Variants in OR2L13 observed in about 807,000 individuals in gnomAD.
The protein encoded by OR2L13 is olfactory receptor 2L13.
OR2L13 carries 14 observed loss-of-function variants against 15.3 expected under a neutral mutation model. The ratio of observed to expected loss-of-function variants is 0.91; its 90% CI spans 0.60 to 1.43. The LOEUF (loss-of-function observed/expected upper bound fraction) is 1.43, where lower values mean the gene tolerates loss of function less well. Ranked by LOEUF, OR2L13 falls within the 40% of genes most tolerant of loss-of-function variation. OR2L13 has a pLI of 0.00. For synonymous variants in OR2L13, 152 were observed against 142.9 expected (o/e 1.06, Z -0.45); for missense variants, 367 against 387.9 (o/e 0.95, Z 0.45).
the OR2L13 span, among the ~76,000 whole-genome samples, chr1:248,016,654 C>T: frequency 1.3e-5 from 2 of 151,872 alleles, no homozygotes; most frequent in African/African-American, 2.4e-5. Context: ...TTCAGATGTA[C>T]TGCCTAAAAA....
At chr1:247,951,048 A>G in the OR2L13 span, among the ~76,000 whole-genome samples, 1 of 141,662 alleles carries the variant, frequency 7.1e-6, no homozygotes, top group Non-Finnish European at 1.5e-5. Flanking sequence ...ACATATTACT[A>G]TTATGTATCC....
the OR2L13 span, chr1:247,949,081 C>G: frequency 2.9e-5 from 47 of 1,613,824 alleles, no homozygotes; most frequent in African/African-American, 5.3e-5. Context: ...TACATCTCCA[C>G]CATTGTTCCT....
the OR2L13 span, among the ~76,000 whole-genome samples, chr1:248,000,639 G>C: frequency 6.6e-6 from 1 of 151,550 alleles, no homozygotes; most frequent in Non-Finnish European, 1.5e-5. Context: ...ATTTACACAG[G>C]AGATTATATG....
chr1:247,986,801 G>A, the OR2L13 span, among the ~76,000 whole-genome samples: 1 of 152,128 alleles, frequency 6.6e-6, no homozygotes. Context: ...GCAGTGGTTT[G>A]TTGTTCTCCT....
the OR2L13 span, chr1:248,084,656 CT>C: frequency 2.6e-6 from 4 of 1,524,324 alleles, no homozygotes; most frequent in Admixed American, 8.7e-5. Context: ...CTTTTATCAT[CT>C]GAATAACGAG....
At chr1:247,975,836 GT>G in the OR2L13 span, among the ~76,000 whole-genome samples, 1 of 151,966 alleles carries the variant, frequency 6.6e-6, no homozygotes, top group Non-Finnish European at 1.5e-5. Context: ...ATGTTGTTTT[GT>G]TTTTGCTGTT....
chr1:247,967,375 C>T, the OR2L13 span, among the ~76,000 whole-genome samples: 9 of 151,922 alleles, frequency 5.9e-5, no homozygotes, highest in Non-Finnish European at 1.3e-4. Context: ...ATTACAGGCA[C>T]CCGCCACCAC....
chr1:247,983,562 T>A, the OR2L13 span, among the ~76,000 whole-genome samples: 1 of 140,804 alleles, frequency 7.1e-6, no homozygotes, highest in Non-Finnish European at 1.5e-5. Context: ...TTTGGATTTA[T>A]TTTTATCTAA....
chr1:248,014,792 C>A, the OR2L13 span, among the ~76,000 whole-genome samples: 1 of 152,108 alleles, frequency 6.6e-6, no homozygotes, highest in African/African-American at 2.4e-5. Flanking sequence ...GATTATTCCC[C>A]CTGTTGTAAT....
chr1:248,040,186 A>G, the OR2L13 span: 1 of 152,180 alleles, frequency 6.6e-6, no homozygotes, highest in African/African-American at 2.4e-5. Flanking sequence ...CTGCTCCACT[A>G]TTTTTATACC....
the OR2L13 span, among the ~76,000 whole-genome samples, chr1:248,075,685 AT>A: frequency 6.6e-6 from 1 of 151,918 alleles, no homozygotes; most frequent in African/African-American, 2.4e-5. Context: ...CCTTTGCCCA[AT>A]TTTTGATGAG....
the OR2L13 span, among the ~76,000 whole-genome samples, chr1:248,037,876 C>A: frequency 1.3e-5 from 2 of 152,162 alleles, no homozygotes; most frequent in Non-Finnish European, 1.5e-5. Context: ...CAGTGCCTAC[C>A]TTGTTCTCCT....
At chr1:248,093,319 T>C (rs1664643664), upstream of OR2L13, among the ~76,000 whole-genome samples, 1 of 152,114 alleles carries the variant, frequency 6.6e-6, no homozygotes. Context: ...CTGAGATGTA[T>C]TGTCATAAAT....
At chr1:248,035,277 C>T in the OR2L13 span, among the ~76,000 whole-genome samples, 5 of 151,796 alleles carry the variant, frequency 3.3e-5, no homozygotes, top group Non-Finnish European at 5.9e-5. Flanking sequence ...GGTGAAACCC[C>T]GTCTCTACTA....
chr1:248,091,926 A>G (rs1260429886), upstream of OR2L13, among the ~76,000 whole-genome samples: 1 of 152,186 alleles, frequency 6.6e-6, no homozygotes, highest in Non-Finnish European at 1.5e-5. Flanking sequence ...ATCCATGAAC[A>G]TGGAAAGTTT....
chr1:247,952,698 G>C, the OR2L13 span, among the ~76,000 whole-genome samples: 45 of 152,260 alleles, frequency 3.0e-4, no homozygotes, highest in African/African-American at 9.4e-4. Flanking sequence ...AAGAATGTCT[G>C]CTGTTTTTGT....
chr1:247,981,851 T>C, the OR2L13 span, among the ~76,000 whole-genome samples: 2 of 151,882 alleles, frequency 1.3e-5, no homozygotes, highest in African/African-American at 2.4e-5. Flanking sequence ...AGTCTCGCTC[T>C]GTCGCCCAGG....
At chr1:247,958,051 T>C in the OR2L13 span, among the ~76,000 whole-genome samples, 1 of 152,210 alleles carries the variant, frequency 6.6e-6, no homozygotes, top group East Asian at 1.9e-4. Flanking sequence ...CAATTTTAGA[T>C]CTTTCCTGCT....
the OR2L13 span, chr1:247,966,365 GT>G: frequency 1.3e-6 from 2 of 1,578,750 alleles, no homozygotes; most frequent in South Asian, 2.4e-5. Context: ...ATAAAAAGCT[GT>G]TCCTGAAAAC....
Sources: gnomAD v4.1 joint callset for allele counts (sites outside exome capture counted in the v4.1 genomes callset) on GRCh38, gnomAD v4.1.1 for gene constraint, MANE v1.5 for transcripts, NCBI Gene and HGNC (gene_info 2026-07-23, HGNC 2026-07-21) for gene names.